Variants in MACROD1 observed in about 807,000 individuals in gnomAD.
MACROD1 encodes the protein mono-ADP ribosylhydrolase 1, also known as ADP-ribose glycohydrolase MACROD1.
MACROD1 carries 31 observed loss-of-function variants against 41.4 expected under a neutral mutation model. The ratio of observed to expected loss-of-function variants is 0.75; its 90% confidence interval spans 0.56 to 1.01. MACROD1 has a LOEUF of 1.01. MACROD1 is among the 50% of genes least tolerant of loss of function. The probability of loss-of-function intolerance (pLI) is 0.00; values close to 1 mark genes in which losing one functional copy is unlikely to be tolerated. For missense variants in MACROD1, 473 were observed against 460.0 expected, an observed-to-expected ratio of 1.03 and a Z score of -0.26; for synonymous variants, 252 against 203.4, an observed-to-expected ratio of 1.24 and a Z score of -2.03.
At chr11:64,160,566 T>C (rs1205986948) in intron 1 of MACROD1, among the ~76,000 whole-genome samples, 1 of 152,050 alleles carries the variant, frequency 6.6e-6, no homozygotes, top group Non-Finnish European at 1.5e-5. Context: ...GCGCTAGCAC[T>C]TTTGCAGGCG....
Position 64,122,527 on chromosome 11 carries a change from ACCCT to A in MACROD1, c.517+28708_517+28711del, listed in dbSNP as rs1945115438. Among the ~76,000 whole-genome samples the A allele has an allele frequency of 2.6e-5, 4 of 152,074 alleles. No individual in the cohort carries two copies. The highest frequency in any genetic ancestry group is 2.0e-4 in the Admixed American group (3 of 15,274). On this transcript the variant is annotated intron_variant, in intron 3 of 10. Transcript: ENST00000255681. This position sits in a 1 kb window ranked among gnomAD's most constrained non-coding sequence, Gnocchi z 4.0. ...CCTCCTTCCCCTGGGGATCTGGGAA[ACCCT>A]CCCTCTGAGCCCAGCCCAGCCCTGT... is the stretch of plus-strand genomic sequence containing the variant.
chr11:64,063,009 G>A (rs374158118), intron 3 of MACROD1, among the ~76,000 whole-genome samples: 11 of 152,334 alleles, frequency 7.2e-5, no homozygotes, highest in African/African-American at 1.9e-4. Flanking sequence ...CCCATCTTCC[G>A]AGCTGTGAGG....
At chr11:64,059,705 G>A (rs901181905) in intron 3 of MACROD1, among the ~76,000 whole-genome samples, 1 of 152,242 alleles carries the variant, frequency 6.6e-6, no homozygotes, top group African/African-American at 2.4e-5. Flanking sequence ...ACAGAGAGGG[G>A]CAGGTCACTC....
At chr11:64,140,838 C>T (rs1427070404) in intron 3 of MACROD1, among the ~76,000 whole-genome samples, 1 of 152,234 alleles carries the variant, frequency 6.6e-6, no homozygotes, top group Non-Finnish European at 1.5e-5. Flanking sequence ...CTCCCAGTTA[C>T]AAGATGTCCC....
At chr11:64,053,436 CTGAGGTGCA>C in intron 3 of MACROD1, among the ~76,000 whole-genome samples, 1 of 152,184 alleles carries the variant, frequency 6.6e-6, no homozygotes, top group African/African-American at 2.4e-5. Flanking sequence ...TCCAGGGGCA[CTGAGGTGCA>C]GGGTTAGGCT....
intron 3 of MACROD1, among the ~76,000 whole-genome samples, chr11:64,134,646 C>A (rs997058865): frequency 6.6e-6 from 1 of 152,170 alleles, no homozygotes; most frequent in Non-Finnish European, 1.5e-5. Flanking sequence ...CACCTGCCTC[C>A]CCGGCTGCGC....
At chr11:64,051,535 G>A (rs551295787) in intron 3 of MACROD1, among the ~76,000 whole-genome samples, 2 of 152,304 alleles carry the variant, frequency 1.3e-5, no homozygotes, top group African/African-American at 4.8e-5. Context: ...GCTGTCGGCC[G>A]GGCAGGCTAA....
intron 3 of MACROD1, among the ~76,000 whole-genome samples, chr11:64,143,224 A>AC (rs1945438995): frequency 6.6e-6 from 1 of 152,112 alleles, no homozygotes; most frequent in Non-Finnish European, 1.5e-5. Context: ...GGAAAAAGAA[A>AC]GAAAAAAACC....
At chr11:64,003,222 G>A (rs957535100) in intron 4 of MACROD1, among the ~76,000 whole-genome samples, 1 of 152,092 alleles carries the variant, frequency 6.6e-6, no homozygotes, top group South Asian at 2.1e-4. Flanking sequence ...CCCCTGATAT[G>A]GCTCCTTCAT....
chr11:64,091,171 G>C (rs866023899), intron 3 of MACROD1, among the ~76,000 whole-genome samples: 1 of 142,552 alleles, frequency 7.0e-6, no homozygotes, highest in Non-Finnish European at 1.5e-5. Flanking sequence ...TGGGGAGGGG[G>C]CCTAAGACTC....
intron 1 of MACROD1, among the ~76,000 whole-genome samples, chr11:64,164,627 C>A (rs1447645635): frequency 6.6e-6 from 1 of 152,260 alleles, no homozygotes; most frequent in Non-Finnish European, 1.5e-5. Context: ...GCAGGCCACA[C>A]AATTCATGTC....
chr11:64,099,238 G>T (rs1375413343), intron 3 of MACROD1, among the ~76,000 whole-genome samples: 9 of 152,244 alleles, frequency 5.9e-5, no homozygotes, highest in Admixed American at 5.9e-4. Flanking sequence ...CTCCCCGAAG[G>T]CTGGGCAAGG....
At chr11:64,019,092 G>T (rs1285414890) in intron 3 of MACROD1, among the ~76,000 whole-genome samples, 1 of 152,200 alleles carries the variant, frequency 6.6e-6, no homozygotes, top group Non-Finnish European at 1.5e-5. Context: ...CTCTGGGTGG[G>T]GGCGGGGCCT....
chr11:64,000,597 C>T (rs1313882063), intron 4 of MACROD1, among the ~76,000 whole-genome samples: 2 of 152,030 alleles, frequency 1.3e-5, no homozygotes, highest in Non-Finnish European at 2.9e-5. Context: ...GGGGCGCACC[C>T]GGCCCACCCT....
chr11:64,000,745 C>A (rs1331869868), intron 4 of MACROD1, among the ~76,000 whole-genome samples: 2 of 152,144 alleles, frequency 1.3e-5, no homozygotes, highest in Admixed American at 6.5e-5. Flanking sequence ...CTGTCCCGGG[C>A]GCGCTGCAGG....
At position 64,149,165 on chromosome 11, in the gene MACROD1, C is replaced by T. The variant is rs1222948195; in HGVS notation, c.517+2074G>A. 1.3e-5 allele frequency: 4 copies of T among 296,494 alleles called. No individual in the cohort carries two copies. In the Admixed American group the frequency reaches 2.6e-4, roughly 19 times the overall value. The allele number at this position is 296,494 out of a possible 1,614,324, so 18.4% of individuals were successfully genotyped here. ...CGGCACCGCTGGGACAGGGGTGATG[C>T]CCAGAACGGCGCTGATGACACCAGT... On this transcript the variant is annotated intron_variant, in intron 3 of 10. Coordinates refer to ENST00000255681, the MANE Select transcript of MACROD1 (RefSeq NM_014067.4).
intron 3 of MACROD1, among the ~76,000 whole-genome samples, chr11:64,084,935 C>T (rs1944368292): frequency 1.3e-5 from 2 of 152,240 alleles, no homozygotes; most frequent in African/African-American, 4.8e-5. Flanking sequence ...CTTGGTGCTG[C>T]CCTCCCACAA....
chr11:63,999,783 C>G lies in MACROD1; in HGVS notation c.665-20G>C. ...TGACGTCTACGGGGGGCGACGGGGTCAGACCGGCGGGGGTCTACGCGGTCC... is the reference window on the plus strand; with the variant it reads ...TGACGTCTACGGGGGGCGACGGGGTGAGACCGGCGGGGGTCTACGCGGTCC... On this transcript the variant is annotated intron_variant, in intron 5 of 10. Transcript: ENST00000255681. 6 of 1,598,700 alleles carry G rather than the reference C, an allele frequency of 3.8e-6. No individual in the cohort carries two copies. Among genetic ancestry groups the G allele is most frequent in the Non-Finnish European group, 5.1e-6 (6 of 1,176,958 alleles).
intron 1 of MACROD1, 67 bp from the exon 2 acceptor site, chr11:64,152,460 T>A: frequency 1.6e-6 from 2 of 1,230,794 alleles, no homozygotes; most frequent in Middle Eastern, 4.4e-4. Context: ...CACCCCCACA[T>A]CTCCTTTCTT....
Sources: allele counts gnomAD v4.1 joint callset (sites outside exome capture counted in the v4.1 genomes callset), GRCh38; gene constraint gnomAD v4.1.1; non-coding constraint Gnocchi (gnomAD v3.1); transcripts MANE v1.5; gene names NCBI Gene and HGNC (gene_info 2026-07-23, HGNC 2026-07-21).